The following DCC variants were observed in gnomAD, a reference collection of about 807,000 sequenced individuals.
The protein encoded by DCC is netrin receptor DCC.
DCC carries 58 observed loss-of-function variants against 172.5 expected under a neutral mutation model. That is an observed-to-expected ratio of 0.34 (90% CI 0.27 to 0.42). The LOEUF (loss-of-function observed/expected upper bound fraction) is 0.42. Among genes scored for constraint, DCC ranks in the 10% least tolerant of loss-of-function variants. DCC has a pLI of 1.00. For missense variants in DCC, 1,740 were observed against 1,791.0 expected (o/e 0.97, Z 0.51); for synonymous variants, 709 against 644.5 (o/e 1.10, Z -1.52).
At chr18:52,938,477 A>G (rs2040413927) in intron 5 of DCC, among the ~76,000 whole-genome samples, 1 of 152,126 alleles carries the variant, frequency 6.6e-6, no homozygotes, top group Non-Finnish European at 1.5e-5. Flanking sequence ...ATTTAAGAAA[A>G]ATAATTTGAG....
intron 25 of DCC, among the ~76,000 whole-genome samples, chr18:53,482,558 A>G (rs1220756013): frequency 6.6e-6 from 1 of 152,106 alleles, no homozygotes; most frequent in African/African-American, 2.4e-5. Context: ...GCTCCAAATC[A>G]GAAGATACGT....
intron 5 of DCC, among the ~76,000 whole-genome samples, chr18:53,053,922 G>A (rs541045457): frequency 3.2e-4 from 49 of 152,204 alleles, no homozygotes; most frequent in African/African-American, 1.1e-3. Context: ...ATATTTGTGT[G>A]AGTCTATGTG....
chr18:53,292,270 A>G (rs190873940), intron 12 of DCC, among the ~76,000 whole-genome samples: 25 of 152,356 alleles, frequency 1.6e-4, no homozygotes, highest in Middle Eastern at 6.8e-3. Context: ...TTTTCTTCCC[A>G]TAATAGAAAC....
chr18:53,306,983 T>G (rs1367640), intron 13 of DCC, among the ~76,000 whole-genome samples: 21,921 of 152,156 alleles, frequency 0.14, 2,239 homozygotes, highest in African/African-American at 0.28. Context: ...CCCTTATGTA[T>G]TCCTTTTCTC....
At chr18:52,436,876 T>C (rs1470306654) in intron 1 of DCC, among the ~76,000 whole-genome samples, 1 of 152,166 alleles carries the variant, frequency 6.6e-6, no homozygotes, top group Non-Finnish European at 1.5e-5. Context: ...GCCGAGATCA[T>C]GCCACTGAAC....
intron 1 of DCC, among the ~76,000 whole-genome samples, chr18:52,732,518 T>C (rs1356197726): frequency 1.3e-5 from 2 of 152,188 alleles, no homozygotes; most frequent in African/African-American, 4.8e-5. Flanking sequence ...GGTGGGAATA[T>C]GTGGTCATGC....
chr18:53,115,781 A>G (rs936246668), intron 7 of DCC, among the ~76,000 whole-genome samples: 3 of 151,582 alleles, frequency 2.0e-5, no homozygotes, highest in African/African-American at 7.3e-5. Context: ...TTGAACAAAA[A>G]TTTTTTTGTA....
intron 2 of DCC, among the ~76,000 whole-genome samples, chr18:52,793,539 A>G (rs1303194744): frequency 6.6e-6 from 1 of 152,202 alleles, no homozygotes; most frequent in Non-Finnish European, 1.5e-5. Flanking sequence ...TCTAGATATG[A>G]ATCCCTAGTC....
chr18:52,428,262 T>C (rs1356777702), intron 1 of DCC, among the ~76,000 whole-genome samples: 1 of 152,106 alleles, frequency 6.6e-6, no homozygotes, highest in African/African-American at 2.4e-5. Flanking sequence ...AGCAGAATTA[T>C]GTTTAATTCA....
At chr18:53,169,709 G>T (rs1254343843) in intron 8 of DCC, among the ~76,000 whole-genome samples, 1 of 152,108 alleles carries the variant, frequency 6.6e-6, no homozygotes, top group Admixed American at 6.6e-5. Flanking sequence ...GGTCCCTGCC[G>T]CTTCCACAGG....
chr18:53,098,811 A>ATACG (rs2043123043), intron 7 of DCC, among the ~76,000 whole-genome samples: 1 of 152,128 alleles, frequency 6.6e-6, no homozygotes, highest in Non-Finnish European at 1.5e-5. Flanking sequence ...GTTTGAGACC[A>ATACG]GCCTCAGTCA....
At chr18:52,644,929 A>T (rs1471190532) in intron 1 of DCC, among the ~76,000 whole-genome samples, 1 of 152,130 alleles carries the variant, frequency 6.6e-6, no homozygotes, top group East Asian at 1.9e-4. Flanking sequence ...ATTCATTAGC[A>T]TTGACCCCAT....
intron 7 of DCC, among the ~76,000 whole-genome samples, chr18:53,086,947 G>C (rs376918752): frequency 0.095 from 14,255 of 150,830 alleles, 1,049 homozygotes; most frequent in East Asian, 0.35. Context: ...TTTTTTATGG[G>C]GGCATAGTAT....
intron 7 of DCC, among the ~76,000 whole-genome samples, chr18:53,153,204 A>C (rs2054672221): frequency 6.6e-6 from 1 of 152,194 alleles, no homozygotes; most frequent in Admixed American, 6.5e-5. Context: ...CCAAGTTATA[A>C]TTAATTATAT....
chr18:53,451,680 TC>T (rs1394137971), intron 23 of DCC, among the ~76,000 whole-genome samples: 2 of 151,744 alleles, frequency 1.3e-5, no homozygotes, highest in East Asian at 3.9e-4. Flanking sequence ...CAAATAATGT[TC>T]CCCCTTCTGT....
intron 22 of DCC, among the ~76,000 whole-genome samples, chr18:53,440,348 ATAAAGT>A (rs1342809515): frequency 5.9e-5 from 9 of 152,020 alleles, no homozygotes; most frequent in Admixed American, 2.0e-4. Flanking sequence ...ACCTTTAAAG[ATAAAGT>A]TAAACTTGAT....
chr18:52,386,236 C>T (rs1985793954), intron 1 of DCC, among the ~76,000 whole-genome samples: 1 of 152,082 alleles, frequency 6.6e-6, no homozygotes, highest in South Asian at 2.1e-4. Context: ...CATTTCCCAT[C>T]TGCCAGATTA....
At chr18:52,347,933 A>G (rs1418639274) in intron 1 of DCC, among the ~76,000 whole-genome samples, 2 of 152,136 alleles carry the variant, frequency 1.3e-5, no homozygotes, top group African/African-American at 4.8e-5. Context: ...CAATAATAAT[A>G]ATGTAATAAT....
At chr18:52,937,946 A>G (rs1470206293) in intron 5 of DCC, among the ~76,000 whole-genome samples, 1 of 152,108 alleles carries the variant, frequency 6.6e-6, no homozygotes, top group Non-Finnish European at 1.5e-5. Flanking sequence ...AGTGACACCT[A>G]ACCTGCAGAG....
Sources: allele counts gnomAD v4.1 joint callset (sites outside exome capture counted in the v4.1 genomes callset), GRCh38; gene constraint gnomAD v4.1.1; transcripts MANE v1.5; gene names NCBI Gene and HGNC (gene_info 2026-07-23, HGNC 2026-07-21).